The following ARHGEF3 variants were observed in gnomAD, a reference collection of about 807,000 sequenced individuals.
The protein encoded by ARHGEF3 is Rho guanine nucleotide exchange factor 3.
Under a neutral mutation model 63.2 loss-of-function variants are expected in ARHGEF3, and 28 were observed. The observed-to-expected ratio is 0.44, with a 90% CI of 0.33 to 0.61. The LOEUF (loss-of-function observed/expected upper bound fraction) is 0.61. ARHGEF3 is among the 20% of genes least tolerant of loss of function. The probability of loss-of-function intolerance (pLI) is 0.03; values close to 1 mark genes in which losing one functional copy is unlikely to be tolerated. For missense variants in ARHGEF3, 533 were observed against 659.3 expected, an observed-to-expected ratio of 0.81 and a Z score of 2.10; for synonymous variants, 266 against 254.2, an observed-to-expected ratio of 1.05 and a Z score of -0.44.
intron 2 of ARHGEF3, among the ~76,000 whole-genome samples, chr3:57,002,510 A>ATATGTTATATATATG (rs1447887328): frequency 3.7e-4 from 36 of 97,002 alleles, no homozygotes; most frequent in Non-Finnish European, 5.4e-4. Flanking sequence ...ATATATATAT[A>ATATGTTATATATATG]TATGTTATAT....
intron 1 of ARHGEF3, among the ~76,000 whole-genome samples, chr3:57,036,724 T>C (rs1703978013): frequency 6.6e-6 from 1 of 152,208 alleles, no homozygotes; most frequent in Non-Finnish European, 1.5e-5. Context: ...GTCTCCAGCC[T>C]GTCATCGTCC....
intron 4 of ARHGEF3, among the ~76,000 whole-genome samples, chr3:56,855,549 G>A (rs1455155507): frequency 6.6e-6 from 1 of 152,022 alleles, no homozygotes; most frequent in Middle Eastern, 3.2e-3. Flanking sequence ...TGGGCGTGGT[G>A]GCATGTGCCT....
intron 2 of ARHGEF3, among the ~76,000 whole-genome samples, chr3:56,757,276 C>T (rs2035132679): frequency 6.6e-6 from 1 of 152,140 alleles, no homozygotes; most frequent in Non-Finnish European, 1.5e-5. Context: ...AGTTTGACAC[C>T]AGCCTGGCCA....
At chr3:57,037,492 G>A (rs939422202) in intron 1 of ARHGEF3, among the ~76,000 whole-genome samples, 1 of 152,154 alleles carries the variant, frequency 6.6e-6, no homozygotes, top group Non-Finnish European at 1.5e-5. Context: ...GCCTGCCTTT[G>A]AGGGGCCACT....
chr3:57,077,581 C>G (rs1706275802), intron 1 of ARHGEF3, among the ~76,000 whole-genome samples: 1 of 152,146 alleles, frequency 6.6e-6, no homozygotes, highest in Admixed American at 6.5e-5. Context: ...AGGGGGCAAT[C>G]TGCTAGAAAT....
chr3:57,061,275 A>G (rs917211410), intron 1 of ARHGEF3, among the ~76,000 whole-genome samples: 8 of 152,092 alleles, frequency 5.3e-5, no homozygotes, highest in African/African-American at 1.9e-4. Context: ...ATGTTGTAGC[A>G]TGTGTCAAAA....
intron 2 of ARHGEF3, among the ~76,000 whole-genome samples, chr3:56,961,448 TG>T (rs1700275843): frequency 6.6e-6 from 1 of 152,140 alleles, no homozygotes; most frequent in East Asian, 1.9e-4. Flanking sequence ...CCCTCTCACA[TG>T]AAGAGAAGTC....
At chr3:56,986,775 G>A (rs570091138) in intron 2 of ARHGEF3, among the ~76,000 whole-genome samples, 13 of 151,468 alleles carry the variant, frequency 8.6e-5, no homozygotes, top group Non-Finnish European at 1.6e-4. Flanking sequence ...GAAAGAAGTG[G>A]GGGCAGAAAA....
chr3:57,056,091 A>C (rs1704919223), intron 1 of ARHGEF3, among the ~76,000 whole-genome samples: 1 of 151,974 alleles, frequency 6.6e-6, no homozygotes, highest in Non-Finnish European at 1.5e-5. Flanking sequence ...GAGACCAATA[A>C]AAAATGGGAG....
intron 4 of ARHGEF3, among the ~76,000 whole-genome samples, chr3:56,808,411 C>T (rs998194036): frequency 5.9e-5 from 9 of 152,150 alleles, no homozygotes; most frequent in African/African-American, 9.6e-5. Flanking sequence ...ATGAGATCCC[C>T]ATCTCTACAA....
In ARHGEF3 at chr3:56,753,529, A is replaced by G; in HGVS notation, c.413T>C (p.Ile138Thr). The G allele has an allele frequency of 6.2e-7, 1 of 1,613,928 alleles. No individual in the cohort carries two copies. Among genetic ancestry groups the G allele is most frequent in the Admixed American group, 1.7e-5 (1 of 59,966 alleles). ...CTTTTTTGCTAATTTCAAGTCTTCT[A>G]TCAAGTCTTCTTCTCCTTGGGAAAG... ...FELSQGEEDL[I>T]EDLKLAKKAY... The change falls in exon 4 of 10, where the codon ATA becomes ACA. Residue 138 changes from isoleucine (I) to threonine (T), a missense_variant. Physicochemically the swap from Ile to Thr is moderately conservative, Grantham distance 89. Around this residue, in one of 4 missense-constraint regions of ARHGEF3, gnomAD observed 107 missense variants for 207.9 expected, o/e 0.51. Transcript: ENST00000296315.
At chr3:57,022,275 C>A (rs1431629625) in intron 2 of ARHGEF3, among the ~76,000 whole-genome samples, 1 of 152,146 alleles carries the variant, frequency 6.6e-6, no homozygotes, top group East Asian at 1.9e-4. Context: ...CCTGTCCAGT[C>A]ACCTGGGGAA....
At chr3:56,834,685 C>T (rs886978786) in intron 4 of ARHGEF3, among the ~76,000 whole-genome samples, 6 of 144,370 alleles carry the variant, frequency 4.2e-5, no homozygotes, top group Middle Eastern at 3.7e-3. Context: ...ACCCGGGAAG[C>T]GGTGAGCTGA....
chr3:57,073,046 AAAAT>A (rs1429715264), intron 1 of ARHGEF3, among the ~76,000 whole-genome samples: 1 of 152,146 alleles, frequency 6.6e-6, no homozygotes, highest in African/African-American at 2.4e-5. Flanking sequence ...ACTCTGTCTC[AAAAT>A]AAATAAATAA....
chr3:56,758,831 TCAACC>T (rs1201353637), intron 2 of ARHGEF3, among the ~76,000 whole-genome samples: 1 of 152,184 alleles, frequency 6.6e-6, no homozygotes, highest in Non-Finnish European at 1.5e-5. Flanking sequence ...AGTAACTTGC[TCAACC>T]CAGTTTGCAG....
At chr3:56,945,526 C>T (rs565165156) in intron 3 of ARHGEF3, among the ~76,000 whole-genome samples, 11 of 152,258 alleles carry the variant, frequency 7.2e-5, no homozygotes, top group African/African-American at 2.6e-4. Flanking sequence ...ATTGCTAGCA[C>T]AGCAGTCTGA....
chr3:56,807,495 A>G (rs1355122020), intron 4 of ARHGEF3, among the ~76,000 whole-genome samples: 1 of 152,196 alleles, frequency 6.6e-6, no homozygotes, highest in Non-Finnish European at 1.5e-5. Flanking sequence ...TTTCCCTGGT[A>G]TCTGAAGTCA....
chr3:56,820,314 A>G lies in ARHGEF3; in HGVS notation c.193-46498T>C, dbSNP rs2038432860. Among the ~76,000 whole-genome samples the G allele has an allele frequency of 2.6e-5, 4 of 152,208 alleles. No homozygotes were observed. In the South Asian group the frequency reaches 8.3e-4, roughly 32 times the overall value. On this transcript the variant is annotated intron_variant, in intron 4 of 12. Coordinates refer to the ARHGEF3 transcript ENST00000338458. The stretch of plus-strand genomic sequence containing the variant: ...TAACTTCATGCTAAAATTAAGGAAG[A>G]TGCTTATCAAACCTCCAGATCTACT...
intron 2 of ARHGEF3, among the ~76,000 whole-genome samples, chr3:56,967,360 T>TTATATTATATATTA (rs1268155368): frequency 4.4e-5 from 2 of 45,002 alleles, no homozygotes; most frequent in African/African-American, 5.8e-5. Context: ...TTATATAATA[T>TTATATTATATATTA]TATATTATAT....
Sources: gnomAD v4.1 joint callset for allele counts (sites outside exome capture counted in the v4.1 genomes callset) on GRCh38, gnomAD v4.1.1 for gene constraint, gnomAD v4.1.1 regional missense constraint, MANE v1.5 for transcripts, NCBI Gene and HGNC (gene_info 2026-07-23, HGNC 2026-07-21) for gene names.